The following NAV1 variants were observed in gnomAD, a reference collection of about 807,000 sequenced individuals.
NAV1 encodes the protein neuron navigator 1, also known as pore membrane and/or filament interacting like protein 3.
Under a neutral mutation model 175.2 loss-of-function variants are expected in NAV1, and 18 were observed. That is an observed-to-expected ratio of 0.10 (90% CI 0.07 to 0.15). The LOEUF (loss-of-function observed/expected upper bound fraction) is 0.15, where lower values mean the gene tolerates loss of function less well. NAV1 is among the 10% of genes least tolerant of loss of function. NAV1 has a pLI of 1.00. For synonymous variants in NAV1, 897 were observed against 978.7 expected (o/e 0.92, Z 1.56); for missense variants, 1,731 against 2,436.6 (o/e 0.71, Z 6.10).
At chr1:201,628,199 A>AC (rs757574527) in intron 1 of NAV1, among the ~76,000 whole-genome samples, 2 of 149,896 alleles carry the variant, frequency 1.3e-5, no homozygotes, top group Middle Eastern at 6.9e-3. Context: ...CATACCAAGC[A>AC]CCCCCAGGGG....
At chr1:201,762,105 A>G (rs963074949) in intron 3 of NAV1, among the ~76,000 whole-genome samples, 2 of 152,254 alleles carry the variant, frequency 1.3e-5, no homozygotes, top group Non-Finnish European at 2.9e-5. Context: ...GGCTGCAATG[A>G]GCTGTGTTTG....
chr1:201,605,742 A>G (rs957798694), intron 2 of NAV1, among the ~76,000 whole-genome samples: 5 of 152,232 alleles, frequency 3.3e-5, no homozygotes, highest in African/African-American at 4.8e-5. Context: ...GTGTGGGTGC[A>G]TCTGAATTGG....
In NAV1 at chr1:201,808,636, G is replaced by A; in HGVS notation, c.4038+26G>A. The A allele has an allele frequency of 6.2e-7, 1 of 1,614,262 alleles. No homozygotes were observed. The highest frequency in any genetic ancestry group is 8.5e-7 in the Non-Finnish European group (1 of 1,180,050). On this transcript the variant is annotated intron_variant, in intron 19 of 29. Coordinates refer to ENST00000367296, the Ensembl canonical transcript of NAV1. The surrounding 1 kb of genome is among the most constrained non-coding windows in gnomAD (Gnocchi z 5.5). ...GTCAGTGTCTGGGCGGACAGCTGCA[G>A]GAAAGGGAAGACCAAGGCTTGCTGT... is the stretch of plus-strand genomic sequence containing the variant.
In NAV1 at chr1:201,718,994, C is replaced by T. The variant is rs1387888006; in HGVS notation, c.1226+239C>T. Among the ~76,000 whole-genome samples the T allele has an allele frequency of 2.6e-5, 4 of 151,894 alleles. No individual in the cohort carries two copies. The highest frequency in any genetic ancestry group is 4.2e-4 in the South Asian group (2 of 4,794). On this transcript the variant is annotated intron_variant, in intron 3 of 29. Transcript: ENST00000367296. This position sits in a 1 kb window ranked among gnomAD's most constrained non-coding sequence, Gnocchi z 4.8. ...CAAGGAGCTGATTGGTCAATGAAGG[C>T]GCCTCCCTCTCATTGGTCTCTGTGG...
At chr1:201,802,830 C>G (rs1479480681) in intron 15 of NAV1, among the ~76,000 whole-genome samples, 5 of 152,092 alleles carry the variant, frequency 3.3e-5, no homozygotes. Flanking sequence ...TGTGCCTGAT[C>G]TGGCCTGAGC....
At chr1:201,763,987 A>G (rs12094804) in intron 3 of NAV1, among the ~76,000 whole-genome samples, 24,102 of 152,186 alleles carry the variant, frequency 0.16, 3,368 homozygotes, top group African/African-American at 0.38. Context: ...TCCAAGCAGC[A>G]ATGATAATTC....
chr1:201,594,821 C>T (rs1667307662), intron 2 of NAV1, among the ~76,000 whole-genome samples: 2 of 152,206 alleles, frequency 1.3e-5, no homozygotes, highest in African/African-American at 2.4e-5. Context: ...CTGTCCAGCA[C>T]GGGAACCTGC....
intron 1 of NAV1, among the ~76,000 whole-genome samples, chr1:201,557,611 G>A (rs1351223987): frequency 6.6e-6 from 1 of 152,180 alleles, no homozygotes; most frequent in Non-Finnish European, 1.5e-5. Flanking sequence ...CAAATTCTAG[G>A]AGATAGTTCC....
chr1:201,697,424 C>T (rs570820364), intron 1 of NAV1, among the ~76,000 whole-genome samples: 3 of 152,288 alleles, frequency 2.0e-5, no homozygotes, highest in African/African-American at 4.8e-5. Context: ...GAGGGAGCAT[C>T]GCCTTCTGGG....
chr1:201,611,563 T>G (rs1163873567), intron 2 of NAV1, among the ~76,000 whole-genome samples: 1 of 152,222 alleles, frequency 6.6e-6, no homozygotes, highest in East Asian at 1.9e-4. Flanking sequence ...CAGGCTCTCC[T>G]GTTGCTCAGT....
chr1:201,651,914 TG>T (rs1669220700), intron 1 of NAV1, among the ~76,000 whole-genome samples: 3 of 151,074 alleles, frequency 2.0e-5, no homozygotes, highest in Non-Finnish European at 4.4e-5. Flanking sequence ...TGTCAAACAG[TG>T]GTAGGGAGGA....
chr1:201,811,116 G>A (rs1391695679), intron 24 of NAV1, among the ~76,000 whole-genome samples: 1 of 152,130 alleles, frequency 6.6e-6, no homozygotes, highest in Non-Finnish European at 1.5e-5. Flanking sequence ...TGCCAACCCT[G>A]TCAATCCCAT....
chr1:201,725,883 A>G (rs1672585549), intron 3 of NAV1, among the ~76,000 whole-genome samples: 1 of 152,202 alleles, frequency 6.6e-6, no homozygotes, highest in Non-Finnish European at 1.5e-5. Context: ...CCTTGAGCCC[A>G]GGAGTTGAGG....
At chr1:201,696,011 C>T (rs906558534) in intron 1 of NAV1, among the ~76,000 whole-genome samples, 15 of 152,258 alleles carry the variant, frequency 9.9e-5, no homozygotes, top group Non-Finnish European at 1.8e-4. Flanking sequence ...AAAGGCTGAG[C>T]GGCTTGCTCC....
At chr1:201,575,623 AAAATCC>A (rs931644274) in intron 1 of NAV1, among the ~76,000 whole-genome samples, 7 of 152,350 alleles carry the variant, frequency 4.6e-5, no homozygotes, top group Non-Finnish European at 1.0e-4. Flanking sequence ...AATTGGAAGG[AAAATCC>A]AAATCCAAAC....
chr1:201,617,672 G>GT (rs1209299408), intron 2 of NAV1, among the ~76,000 whole-genome samples: 1 of 152,162 alleles, frequency 6.6e-6, no homozygotes, highest in Non-Finnish European at 1.5e-5. Flanking sequence ...AGTCTGCAGT[G>GT]AGCTATTATT....
chr1:201,591,233 C>T (rs1667183477), intron 2 of NAV1, among the ~76,000 whole-genome samples: 1 of 152,200 alleles, frequency 6.6e-6, no homozygotes, highest in South Asian at 2.1e-4. Flanking sequence ...CTCTCCAGCT[C>T]CACACAGATT....
chr1:201,572,557 C>A (rs985751307), intron 1 of NAV1, among the ~76,000 whole-genome samples: 22 of 151,514 alleles, frequency 1.5e-4, no homozygotes, highest in Non-Finnish European at 1.8e-4. Flanking sequence ...TTAGGAGAGA[C>A]GGGGGTTTCA....
At chr1:201,549,091 C>CTTTCTTTCTT (rs1158295390) in intron 1 of NAV1, among the ~76,000 whole-genome samples, 94 of 128,674 alleles carry the variant, frequency 7.3e-4, no homozygotes, top group African/African-American at 2.2e-3. Context: ...TTCTTTCTTT[C>CTTTCTTTCTT]TTTCTTTCTT....
Sources: gnomAD v4.1 joint callset for allele counts (sites outside exome capture counted in the v4.1 genomes callset) on GRCh38, gnomAD v4.1.1 for gene constraint, Gnocchi (gnomAD v3.1) non-coding constraint, MANE v1.5 for transcripts, NCBI Gene and HGNC (gene_info 2026-07-23, HGNC 2026-07-21) for gene names.